CALCRL: variants seen among roughly 807,000 people sequenced by gnomAD.
CALCRL encodes the protein calcitonin receptor like receptor, also known as calcitonin gene-related peptide type 1 receptor.
In CALCRL, 27 loss-of-function variants were observed where a neutral mutation model predicts 60.4. The observed-to-expected ratio is 0.45, with a 90% CI of 0.33 to 0.62. CALCRL has a LOEUF of 0.62. Among genes scored for constraint, CALCRL ranks in the 20% least tolerant of loss-of-function variants. CALCRL has a pLI of 0.03. For synonymous variants in CALCRL, 190 were observed against 182.6 expected (o/e 1.04, Z -0.33); for missense variants, 424 against 540.7 (o/e 0.78, Z 2.14).
chr2:187,406,383 G>A (rs1240375677), intron 1 of CALCRL, among the ~76,000 whole-genome samples: 1 of 151,968 alleles, frequency 6.6e-6, no homozygotes, highest in Non-Finnish European at 1.5e-5. Flanking sequence ...ATGTACTAGT[G>A]TAAATGTACA....
At chr2:187,380,316 A>G (rs533339246) in intron 7 of CALCRL, 151 bp downstream of exon 7, 3 of 514,496 alleles carry the variant, frequency 5.8e-6, no homozygotes, top group South Asian at 7.3e-5. Flanking sequence ...TTCCACGGAT[A>G]TATTTCTTCT....
At chr2:187,346,494 A>C in intron 14 of CALCRL, 95 bp from the exon 15 acceptor site, 1 of 809,848 alleles carries the variant, frequency 1.2e-6, no homozygotes, top group South Asian at 1.8e-5. Context: ...GTCTTGGAGA[A>C]GAGCTTTTTT....
intron 1 of CALCRL, among the ~76,000 whole-genome samples, chr2:187,393,478 C>A (rs1688532915): frequency 1.3e-5 from 2 of 151,966 alleles, no homozygotes; most frequent in Admixed American, 1.3e-4. Context: ...ACAGAACTCC[C>A]AAAGCAAGTT....
chr2:187,394,940 T>C (rs1315304476), intron 1 of CALCRL, among the ~76,000 whole-genome samples: 6 of 152,064 alleles, frequency 3.9e-5, no homozygotes, highest in Admixed American at 6.6e-5. Flanking sequence ...CAATGTTGCC[T>C]ATAACTTTTA....
In CALCRL at chr2:187,346,829, G is replaced by A. The variant is rs147660585; in HGVS notation, c.1171-430C>T. Among the ~76,000 whole-genome samples, 11 of 132,206 alleles carry A rather than the reference G, an allele frequency of 8.3e-5. No homozygotes were observed. The South Asian group carries it at 2.9e-3, about 35-fold the overall frequency. The allele number at this position is 132,206 out of a possible 152,430, so 86.7% of individuals were successfully genotyped here. On this transcript the variant is annotated intron_variant, in intron 14 of 14. Transcript: ENST00000392370. ...CACAAAAGAAAAGAAGTTAGGATAC[G>A]AAGAATACAAATCAGCAGCAGCAGC...
intron 8 of CALCRL, among the ~76,000 whole-genome samples, chr2:187,364,999 G>A (rs1245271536): frequency 2.0e-5 from 3 of 152,278 alleles, no homozygotes; most frequent in Admixed American, 1.3e-4. Flanking sequence ...GTGTATAGGA[G>A]TAGTGACGCA....
At chr2:187,395,971 TA>T (rs1688633014) in intron 1 of CALCRL, among the ~76,000 whole-genome samples, 1 of 151,742 alleles carries the variant, frequency 6.6e-6, no homozygotes, top group Non-Finnish European at 1.5e-5. Context: ...TTTTTACTCC[TA>T]GTAACCTAAA....
chr2:187,420,815 G>T (rs1176504329), intron 1 of CALCRL, among the ~76,000 whole-genome samples: 1 of 152,100 alleles, frequency 6.6e-6, no homozygotes, highest in African/African-American at 2.4e-5. Flanking sequence ...TCCATATCTA[G>T]AGTTTTACTT....
At chr2:187,373,516 CA>C (rs1687620294) in intron 8 of CALCRL, among the ~76,000 whole-genome samples, 1 of 151,952 alleles carries the variant, frequency 6.6e-6, no homozygotes, top group South Asian at 2.1e-4. Context: ...AAACATGGTC[CA>C]TTTAAAACCA....
At chr2:187,420,454 T>C (rs1017321379) in intron 1 of CALCRL, among the ~76,000 whole-genome samples, 1 of 151,158 alleles carries the variant, frequency 6.6e-6, no homozygotes, top group Non-Finnish European at 1.5e-5. Flanking sequence ...TCTTCTTTGA[T>C]TTTTTTTTCA....
chr2:187,379,055 A>G (rs572879467), intron 7 of CALCRL, 24 bp from the exon 8 acceptor site: 44 of 1,393,780 alleles, frequency 3.2e-5, no homozygotes, highest in East Asian at 1.1e-4. Flanking sequence ...AAACAAAAAA[A>G]TTTGGTTCAT....
At chr2:187,392,475 A>G (rs993944052) in intron 1 of CALCRL, among the ~76,000 whole-genome samples, 8 of 152,150 alleles carry the variant, frequency 5.3e-5, no homozygotes, top group African/African-American at 1.9e-4. Flanking sequence ...AACAAGCTAC[A>G]TATCTCTTGA....
chr2:187,442,070 T>TTATATATA lies in CALCRL; in HGVS notation c.-293+5961_-293+5968dup, dbSNP rs370387256. 100 of 127,372 alleles carry TTATATATA rather than the reference T, an allele frequency of 7.9e-4. 1 individual carries two copies. Among genetic ancestry groups the TTATATATA allele is most frequent in the African/African-American group, 2.4e-3 (78 of 32,788 alleles). The allele number at this position is 127,372 out of a possible 1,614,324, so 7.9% of individuals were successfully genotyped here. On this transcript the variant is annotated intron_variant, in intron 1 of 14. Transcript: ENST00000392370. ...AAGTATCTGAGGTGGCTTAAAAACATTATATATATATATATATATATATAT... is the reference window on the plus strand; with the variant it reads ...AAGTATCTGAGGTGGCTTAAAAACATTATATATATATATATATATATATATATATATAT...
intron 7 of CALCRL, 78 bp downstream of exon 7, chr2:187,380,389 T>G: frequency 1.3e-6 from 1 of 746,008 alleles, no homozygotes; most frequent in South Asian, 1.8e-5. Context: ...GACTTTATTT[T>G]CTTTAATACA....
chr2:187,359,683 A>G (rs997867975), intron 10 of CALCRL, among the ~76,000 whole-genome samples: 3 of 152,136 alleles, frequency 2.0e-5, no homozygotes, highest in African/African-American at 7.2e-5. Flanking sequence ...TTCCACTATG[A>G]GAGAGATTAC....
chr2:187,445,490 A>G (rs1415828389), intron 1 of CALCRL, among the ~76,000 whole-genome samples: 1 of 151,578 alleles, frequency 6.6e-6, no homozygotes, highest in African/African-American at 2.4e-5. Flanking sequence ...TTCTATAAAG[A>G]TCTAGAACAA....
rs1379096580 is a variant in CALCRL at position 187,443,809 on chromosome 2, G to T, written c.-293+4230C>A. On this transcript the variant is annotated intron_variant, in intron 1 of 14. Transcript: ENST00000392370. Reference sequence around the variant, plus strand: ...TTATTGCTCTCTGATACTTACCAAAGTTTCTATTTTTCCTTCAAATTATCC... The same window carrying T: ...TTATTGCTCTCTGATACTTACCAAATTTTCTATTTTTCCTTCAAATTATCC... 2.0e-5 allele frequency among the ~76,000 whole-genome samples: 3 copies of T among 151,662 alleles called. No individual in the cohort carries two copies. The East Asian group carries it at 5.8e-4, about 29-fold the overall frequency.
At chr2:187,371,238 T>C (rs1215739243) in intron 8 of CALCRL, among the ~76,000 whole-genome samples, 1 of 148,460 alleles carries the variant, frequency 6.7e-6, no homozygotes, top group African/African-American at 2.5e-5. Context: ...CGAGACTCCG[T>C]CTAAAAAAAA....
rs28602266 is a variant in CALCRL at position 187,405,107 on chromosome 2, G to A, written c.-292-17351C>T. Reference sequence around the variant, plus strand: ...ACATGTCTCATAAGTATATTGTGGGGGTTAAATGTAATAACCCACACAATT... The same window carrying A: ...ACATGTCTCATAAGTATATTGTGGGAGTTAAATGTAATAACCCACACAATT... On this transcript the variant is annotated intron_variant, in intron 1 of 14. Transcript: ENST00000392370. Among the ~76,000 whole-genome samples, 958 of 151,912 alleles carry A rather than the reference G, an allele frequency of 6.3e-3. 13 individuals are homozygous for A. The highest frequency in any genetic ancestry group is 0.022 in the African/African-American group (905 of 41,432).
Sources: allele counts gnomAD v4.1 joint callset (sites outside exome capture counted in the v4.1 genomes callset), GRCh38; gene constraint gnomAD v4.1.1; transcripts MANE v1.5; gene names NCBI Gene and HGNC (gene_info 2026-07-23, HGNC 2026-07-21).